NCAM1: variants seen among roughly 807,000 people sequenced by gnomAD.
NCAM1 encodes neural cell adhesion molecule 1.
NCAM1 carries 14 observed loss-of-function variants against 109.8 expected under a neutral mutation model. The observed-to-expected ratio is 0.13, with a 90% CI of 0.08 to 0.20. The LOEUF (loss-of-function observed/expected upper bound fraction) is 0.20. NCAM1 is among the 10% of genes least tolerant of loss of function. The pLI is 1.00. For missense variants in NCAM1, 774 were observed against 1,109.9 expected, an observed-to-expected ratio of 0.70 and a Z score of 4.30; for synonymous variants, 418 against 442.9, an observed-to-expected ratio of 0.94 and a Z score of 0.70.
chr11:113,142,455 T>G (rs1286726728), intron 1 of NCAM1, among the ~76,000 whole-genome samples: 2 of 152,216 alleles, frequency 1.3e-5, no homozygotes, highest in African/African-American at 4.8e-5. Flanking sequence ...AATTGGGACA[T>G]CTGCATGTCT....
intron 14 of NCAM1, chr11:113,236,455 C>A: frequency 5.6e-6 from 5 of 892,844 alleles, no homozygotes; most frequent in South Asian, 4.5e-5. Context: ...ACCACACTGA[C>A]CTTAGTCTAG....
intron 1 of NCAM1, among the ~76,000 whole-genome samples, chr11:113,068,699 A>G (rs1938104252): frequency 6.6e-6 from 1 of 152,164 alleles, no homozygotes; most frequent in African/African-American, 2.4e-5. Flanking sequence ...ACATTCTACC[A>G]AAAGGATCTC....
intron 1 of NCAM1, among the ~76,000 whole-genome samples, chr11:113,105,801 G>A (rs961174186): frequency 4.6e-5 from 7 of 152,150 alleles, no homozygotes; most frequent in Non-Finnish European, 7.4e-5. Context: ...GTGTGTTATG[G>A]GATGATGAAA....
At chr11:112,977,639 G>T (rs1555067909) in intron 1 of NCAM1, among the ~76,000 whole-genome samples, 1 of 151,772 alleles carries the variant, frequency 6.6e-6, no homozygotes, top group Non-Finnish European at 1.5e-5. Context: ...TGATACAAAA[G>T]GTTTAAAAAT....
intron 1 of NCAM1, among the ~76,000 whole-genome samples, chr11:112,979,435 A>G (rs1002126888): frequency 6.6e-6 from 1 of 151,818 alleles, no homozygotes; most frequent in Non-Finnish European, 1.5e-5. Flanking sequence ...GCCTCCATTC[A>G]ACAAAATAGA....
chr11:113,140,097 T>C (rs187231682), intron 1 of NCAM1, among the ~76,000 whole-genome samples: 16 of 152,234 alleles, frequency 1.1e-4, no homozygotes, highest in Non-Finnish European at 4.4e-5. Context: ...GGTTGCAAAA[T>C]TGAACAGGAC....
At chr11:113,232,025 A>G in intron 10 of NCAM1, 145 bp from the exon 11 acceptor site, 1 of 951,698 alleles carries the variant, frequency 1.1e-6, no homozygotes, top group Non-Finnish European at 1.5e-6. Flanking sequence ...TGCTGTGCAC[A>G]GGAATTCTAG....
intron 15 of NCAM1, among the ~76,000 whole-genome samples, chr11:113,248,109 G>T (rs147826772): frequency 3.3e-5 from 5 of 152,054 alleles, no homozygotes; most frequent in Admixed American, 6.5e-5. Context: ...CCTCTGAAGA[G>T]AGATCTCTTC....
chr11:113,250,738 C>T (rs1555121116), intron 15 of NCAM1, among the ~76,000 whole-genome samples: 2 of 151,938 alleles, frequency 1.3e-5, no homozygotes. Context: ...AAACTTTGTG[C>T]AGATCTCTAT....
chr11:112,973,234 C>T (rs1224190759), intron 1 of NCAM1, among the ~76,000 whole-genome samples: 1 of 152,050 alleles, frequency 6.6e-6, no homozygotes, highest in African/African-American at 2.4e-5. Context: ...GATTACTTTT[C>T]TAATGTTCGT....
At chr11:113,251,887 C>T (rs1555121396) in intron 15 of NCAM1, among the ~76,000 whole-genome samples, 2 of 152,180 alleles carry the variant, frequency 1.3e-5, no homozygotes, top group African/African-American at 4.8e-5. Context: ...GGCAAGGTCC[C>T]TTTTCTCCCA....
Position 113,232,707 on chromosome 11 carries a change from T to A in NCAM1, c.1426-11T>A, listed in dbSNP as rs1555117536. Reference sequence around the variant, plus strand: ...GGACACTTGTAACCCAATAGCTTCTTCCTTCTAAAGGTGACCCCAGACTCT... The same window carrying A: ...GGACACTTGTAACCCAATAGCTTCTACCTTCTAAAGGTGACCCCAGACTCT... On this transcript the variant is annotated splice_polypyrimidine_tract_variant and intron_variant, in intron 11 of 19. Transcript: ENST00000316851. The A allele has an allele frequency of 1.2e-6, 2 of 1,603,976 alleles. No individual in the cohort carries two copies. Among genetic ancestry groups the A allele is most frequent in the South Asian group, 2.2e-5 (2 of 90,862 alleles).
At chr11:112,974,719 A>G (rs1950962460) in intron 1 of NCAM1, among the ~76,000 whole-genome samples, 1 of 151,908 alleles carries the variant, frequency 6.6e-6, no homozygotes, top group Admixed American at 6.6e-5. Flanking sequence ...ATCTGGTTCA[A>G]TCTCTCTATT....
At chr11:113,101,046 G>A (rs1475937867) in intron 1 of NCAM1, among the ~76,000 whole-genome samples, 1 of 152,162 alleles carries the variant, frequency 6.6e-6, no homozygotes, top group Non-Finnish European at 1.5e-5. Context: ...TCCCCAGAAG[G>A]AGCCTGGTTG....
At chr11:113,268,185 G>A (rs912343386) in intron 17 of NCAM1, among the ~76,000 whole-genome samples, 2 of 152,172 alleles carry the variant, frequency 1.3e-5, no homozygotes, top group Admixed American at 6.5e-5. Context: ...CTTTTTGGGT[G>A]GAATGTGTGA....
intron 1 of NCAM1, among the ~76,000 whole-genome samples, chr11:113,090,944 T>A (rs10891502): frequency 0.076 from 11,595 of 151,806 alleles, 803 homozygotes; most frequent in Admixed American, 0.18. Flanking sequence ...CTAGTAGAAG[T>A]TTTGAACAAT....
At chr11:112,961,764 C>G (rs1333325755) in intron 1 of NCAM1, 100 bp downstream of exon 1, 2 of 756,054 alleles carry the variant, frequency 2.6e-6, no homozygotes, top group Non-Finnish European at 4.4e-6. Context: ...TTTACGTGGA[C>G]TGCTAAGGCT....
At chr11:113,197,031 A>G (rs1943877604) in intron 1 of NCAM1, among the ~76,000 whole-genome samples, 2 of 152,172 alleles carry the variant, frequency 1.3e-5, no homozygotes, top group Admixed American at 1.3e-4. Context: ...ACGTGGCAGC[A>G]GGAAAGAGAA....
At chr11:113,011,964 T>TTTCCTTCCTTCCTTCCTCCC (rs1952070392) in intron 1 of NCAM1, among the ~76,000 whole-genome samples, 1 of 114,000 alleles carries the variant, frequency 8.8e-6, no homozygotes. Flanking sequence ...CCTTCTCTCC[T>TTTCCTTCCTTCCTTCCTCCC]TTCCTTCCTT....
Sources: allele counts gnomAD v4.1 joint callset (sites outside exome capture counted in the v4.1 genomes callset), GRCh38; gene constraint gnomAD v4.1.1; transcripts MANE v1.5; gene names NCBI Gene and HGNC (gene_info 2026-07-23, HGNC 2026-07-21).